DCAF10: variants seen among roughly 807,000 people sequenced by gnomAD.
The protein encoded by DCAF10 is DDB1 and CUL4 associated factor 10.
Under a neutral mutation model 51.9 loss-of-function variants are expected in DCAF10, and 19 were observed. The observed-to-expected ratio is 0.37, with a 90% confidence interval of 0.26 to 0.54. DCAF10 has a LOEUF of 0.54. Ranked by LOEUF, DCAF10 falls within the 20% of genes least tolerant of loss-of-function variation. DCAF10 has a pLI of 0.87. For synonymous variants in DCAF10, 291 were observed against 297.1 expected (o/e 0.98, Z 0.21); for missense variants, 510 against 730.6 (o/e 0.70, Z 3.48).
At chr9:37,811,459 CAAT>C (rs972408761) in intron 1 of DCAF10, among the ~76,000 whole-genome samples, 1 of 151,990 alleles carries the variant, frequency 6.6e-6, no homozygotes, top group Non-Finnish European at 1.5e-5. Flanking sequence ...AATCAGCAAA[CAAT>C]AGAAATAGAC....
intron 4 of DCAF10, among the ~76,000 whole-genome samples, 167 bp from the exon 5 acceptor site, chr9:37,857,074 T>A (rs548460027): frequency 2.8e-3 from 434 of 152,324 alleles, no homozygotes; most frequent in Middle Eastern, 6.8e-3. Flanking sequence ...GGACTAGATC[T>A]TAGAACACTT....
chr9:37,825,008 A>AT (rs1829810539), intron 2 of DCAF10, among the ~76,000 whole-genome samples: 1 of 152,230 alleles, frequency 6.6e-6, no homozygotes, highest in Non-Finnish European at 1.5e-5. Context: ...TCCAAAACTG[A>AT]TAAATCAAGC....
intron 1 of DCAF10, among the ~76,000 whole-genome samples, chr9:37,814,807 T>C (rs971259641): frequency 6.6e-6 from 1 of 152,196 alleles, no homozygotes; most frequent in South Asian, 2.1e-4. Flanking sequence ...ATAATCCCAA[T>C]TTATATAAAC....
intron 2 of DCAF10, among the ~76,000 whole-genome samples, chr9:37,827,395 C>T (rs1179966401): frequency 6.6e-6 from 1 of 151,852 alleles, no homozygotes; most frequent in African/African-American, 2.4e-5. Context: ...AAAACAAAAA[C>T]AAAAAGAAAA....
intron 1 of DCAF10, among the ~76,000 whole-genome samples, chr9:37,804,219 A>G (rs1207565885): frequency 6.7e-6 from 1 of 148,614 alleles, no homozygotes; most frequent in Non-Finnish European, 1.5e-5. Flanking sequence ...GAGAAAAAGC[A>G]TACCATATAG....
chr9:37,836,108 T>C, intron 2 of DCAF10: 4 of 1,262,324 alleles, frequency 3.2e-6, no homozygotes, highest in Non-Finnish European at 4.6e-6. Flanking sequence ...TTGGTATCTC[T>C]ATTAAAGTAC....
chr9:37,804,640 G>T (rs958908515), intron 1 of DCAF10, among the ~76,000 whole-genome samples: 1 of 152,054 alleles, frequency 6.6e-6, no homozygotes, highest in Non-Finnish European at 1.5e-5. Context: ...GCCGAGCGTG[G>T]TGGTGCATGC....
intron 2 of DCAF10, among the ~76,000 whole-genome samples, chr9:37,825,853 T>C (rs1187753317): frequency 6.6e-6 from 1 of 151,838 alleles, no homozygotes; most frequent in East Asian, 1.9e-4. Flanking sequence ...ACCCCATCTC[T>C]ACTAAAAATA....
chr9:37,835,504 G>A (rs1216567984), intron 2 of DCAF10, among the ~76,000 whole-genome samples: 3 of 152,044 alleles, frequency 2.0e-5, no homozygotes, highest in Non-Finnish European at 4.4e-5. Flanking sequence ...ACTTGAGCCC[G>A]GAAGGTGGAG....
Position 37,800,853 on chromosome 9 carries a change from C to T in DCAF10, c.-14C>T, listed in dbSNP as rs1243817886. 1.3e-6 allele frequency: 2 copies of T among 1,485,356 alleles called. No individual in the cohort carries two copies. The highest frequency in any genetic ancestry group is 1.3e-5 in the South Asian group (1 of 75,234). The allele number at this position is 1,485,356 out of a possible 1,614,324, so 92.0% of individuals were successfully genotyped here. A position where few individuals can be genotyped will look rare whatever the true frequency, so the allele number is the denominator to read the frequency against. On this transcript the variant is annotated 5_prime_UTR_variant, in exon 1 of 7. Coordinates refer to ENST00000377724, the MANE Select transcript of DCAF10 (RefSeq NM_024345.5). ...CGGGGCAGTGGCCCGGAGCGGGGGGCGGGGGCGTTGATCATGTTTCCCTTT... is the reference window on the plus strand; with the variant it reads ...CGGGGCAGTGGCCCGGAGCGGGGGGTGGGGGCGTTGATCATGTTTCCCTTT...
chr9:37,809,534 G>A (rs1336341062), intron 1 of DCAF10, among the ~76,000 whole-genome samples: 2 of 152,102 alleles, frequency 1.3e-5, no homozygotes, highest in Non-Finnish European at 2.9e-5. Context: ...ATAATATTCA[G>A]AATAAAAAGA....
chr9:37,853,238 G>A (rs895035731), intron 3 of DCAF10, among the ~76,000 whole-genome samples: 1 of 150,702 alleles, frequency 6.6e-6, no homozygotes, highest in African/African-American at 2.4e-5. Context: ...TTCTGGCCGG[G>A]CATGGTGGTT....
At chr9:37,820,910 T>C (rs1829681963) in intron 2 of DCAF10, among the ~76,000 whole-genome samples, 1 of 152,136 alleles carries the variant, frequency 6.6e-6, no homozygotes, top group South Asian at 2.1e-4. Flanking sequence ...AAATTATGTA[T>C]TTATTTTTGA....
chr9:37,826,888 C>T (rs575004831), intron 2 of DCAF10, among the ~76,000 whole-genome samples: 2 of 143,974 alleles, frequency 1.4e-5, no homozygotes, highest in African/African-American at 5.2e-5. Flanking sequence ...AGCAATGGCG[C>T]GATCTCGGCT....
chr9:37,837,329 C>T (rs1830195325), intron 2 of DCAF10, among the ~76,000 whole-genome samples: 2 of 151,862 alleles, frequency 1.3e-5, no homozygotes, highest in South Asian at 2.1e-4. Context: ...CGTGGTGGCA[C>T]GTGCCTGTAA....
chr9:37,861,517 T>TA lies in DCAF10; in HGVS notation c.*10dup. On this transcript the variant is annotated 3_prime_UTR_variant, in exon 7 of 7. Coordinates refer to ENST00000377724, the MANE Select transcript of DCAF10 (RefSeq NM_024345.5). This position sits in a 1 kb window ranked among gnomAD's most constrained non-coding sequence, Gnocchi z 4.9. Reference sequence around the variant, plus strand: ...ATCAGCCAAAGTTTTAGGCACAACTTACATCAAATAAGGAACTCTTCTGGT... The same window carrying TA: ...ATCAGCCAAAGTTTTAGGCACAACTTAACATCAAATAAGGAACTCTTCTGGT... 1 of 1,598,126 alleles carries TA rather than the reference T, an allele frequency of 6.3e-7. No homozygotes were observed. Among genetic ancestry groups the TA allele is most frequent in the Non-Finnish European group, 8.6e-7 (1 of 1,168,304 alleles).
rs770921332 is a variant in DCAF10 at position 37,801,451 on chromosome 9, C to T, written c.539+46C>T. The T allele has an allele frequency of 5.8e-6, 8 of 1,378,324 alleles. No individual in the cohort carries two copies. The South Asian group carries it at 1.2e-4, about 21-fold the overall frequency. 85.4% of individuals were successfully genotyped at this position (1,378,324 alleles called of 1,614,324 possible). A position where few individuals can be genotyped will look rare whatever the true frequency, so the allele number is the denominator to read the frequency against. On this transcript the variant is annotated intron_variant, in intron 1 of 6. Coordinates refer to ENST00000377724, the MANE Select transcript of DCAF10 (RefSeq NM_024345.5). This position sits in a 1 kb window ranked among gnomAD's most constrained non-coding sequence, Gnocchi z 5.5. Reference sequence around the variant, plus strand: ...GGCGGGCGCCCGCCTCCGCCCGGCTCTGCTGCCAGCGGACGGCCGTCCTGG... The same window carrying T: ...GGCGGGCGCCCGCCTCCGCCCGGCTTTGCTGCCAGCGGACGGCCGTCCTGG...
chr9:37,820,549 C>CA (rs1360667797), intron 2 of DCAF10, among the ~76,000 whole-genome samples: 2 of 152,128 alleles, frequency 1.3e-5, no homozygotes, highest in East Asian at 3.9e-4. Context: ...CTGATAAAAA[C>CA]ACAGCCTCAT....
At chr9:37,802,436 C>T (rs564423179) in intron 1 of DCAF10, among the ~76,000 whole-genome samples, 1 of 151,714 alleles carries the variant, frequency 6.6e-6, no homozygotes, top group Non-Finnish European at 1.5e-5. Context: ...AAAATGAGTA[C>T]GAAATAAATT....
Sources: allele counts gnomAD v4.1 joint callset (sites outside exome capture counted in the v4.1 genomes callset), GRCh38; gene constraint gnomAD v4.1.1; non-coding constraint Gnocchi (gnomAD v3.1); transcripts MANE v1.5; gene names NCBI Gene and HGNC (gene_info 2026-07-23, HGNC 2026-07-21).